Variants in KRT76 observed in about 807,000 individuals in gnomAD.
KRT76 encodes the protein keratin 76.
A neutral mutation model predicts 44.9 loss-of-function variants in KRT76; 47 were observed. The ratio of observed to expected loss-of-function variants is 1.05; its 90% CI spans 0.83 to 1.33. The LOEUF is 1.33. Ranked by LOEUF, KRT76 falls within the 40% of genes most tolerant of loss-of-function variation. The pLI is 0.00. For synonymous variants in KRT76, 331 were observed against 294.1 expected (o/e 1.13, Z -1.28); for missense variants, 860 against 775.8 (o/e 1.11, Z -1.29).
intron 3 of KRT76, 139 bp downstream of exon 3, chr12:52,773,443 T>C: frequency 3.5e-6 from 2 of 565,876 alleles, no homozygotes; most frequent in Middle Eastern, 9.5e-4. Context: ...AAACATTTCA[T>C]TTCCAAAAAT....
chr12:52,768,971 G>C lies in KRT76; in HGVS notation c.1659C>G (p.Gly553=), dbSNP rs778936647. 8.3e-7 allele frequency: 1 copy of C among 1,200,362 alleles called. No individual in the cohort carries two copies. Among genetic ancestry groups the C allele is most frequent in the South Asian group, 1.3e-5 (1 of 79,148 alleles). 74.4% of individuals were successfully genotyped at this position (1,200,362 alleles called of 1,614,324 possible). The change falls in exon 9 of 9, where the codon GGC becomes GGG. Residue 553 remains glycine (G), a synonymous_variant. Transcript: ENST00000332411. ...CCCCTCCATAGCCACTGCCGCTGCC[G>C]CCACTGACTCCATAGCCACTGCTGC... ...SSSSSGYGVS[G]GSGSGYGGVS... is the part of the protein sequence containing the mutation.
chr12:52,776,887 A>G lies in KRT76; in HGVS notation c.405T>C (p.Gly135=), dbSNP rs1273419820. The G allele has an allele frequency of 2.5e-6, 4 of 1,612,066 alleles. No individual in the cohort carries two copies. In the Admixed American group the frequency reaches 6.7e-5, roughly 27 times the overall value. ...CAGGACCACCAAAGCTGCCAGGCCCACCAAATACACCAGGACCACCAAAGC... is the reference window on the plus strand; with the variant it reads ...CAGGACCACCAAAGCTGCCAGGCCCGCCAAATACACCAGGACCACCAAAGC... The part of the protein sequence containing the change: ...AGGFGGPGVF[G]GPGSFGGPGG... The change falls in exon 1 of 9, where the codon GGT becomes GGC. Residue 135 remains glycine (G), a synonymous_variant. Coordinates refer to ENST00000332411, the MANE Select transcript of KRT76 (RefSeq NM_015848.4).
chr12:52,773,516 TG>T, intron 3 of KRT76, 65 bp downstream of exon 3: 1 of 1,160,778 alleles, frequency 8.6e-7, no homozygotes, highest in Non-Finnish European at 1.3e-6. Context: ...CAGCTGGCTG[TG>T]CACTCTCTCC....
In KRT76 at chr12:52,772,876, A is replaced by T. The variant is rs1419563751; in HGVS notation, c.879T>A (p.Asp293Glu). The T allele has an allele frequency of 6.8e-6, 11 of 1,613,210 alleles. No homozygotes were observed. In the East Asian group the frequency reaches 2.2e-4, roughly 33 times the overall value. The change falls in exon 4 of 9, where the codon GAT becomes GAA. Residue 293 changes from aspartate to glutamate, a missense_variant and splice_region_variant. Asp to Glu is a conservative substitution (Grantham distance 45, BLOSUM62 2). Transcript: ENST00000332411. ...CCTTGTTCATGAAAGCCGCATCCAC[A>T]TCCTGCAGAGGAGGTCAGAAACCCA... The part of the protein sequence containing the change: ...AENEFVGLKK[D>E]VDAAFMNKVE...
At position 52,768,944 on chromosome 12, in the gene KRT76, G is replaced by T; in HGVS notation, c.1686C>A (p.Val562=). Residue 562 remains valine (V), a synonymous_variant, in exon 9 of 9, where the codon GTC becomes GTA. Transcript: ENST00000332411. ...SGGSGSGYGG[V]SSGSTGGRGS... ...CCCTGCCCCCAGTGCTGCCACTGCT[G>T]ACCCCTCCATAGCCACTGCCGCTGC... 1.4e-6 allele frequency: 2 copies of T among 1,470,972 alleles called. No individual in the cohort carries two copies. Among genetic ancestry groups the T allele is most frequent in the Non-Finnish European group, 9.4e-7 (1 of 1,060,278 alleles). 91.1% of individuals were successfully genotyped at this position (1,470,972 alleles called of 1,614,324 possible). A position where few individuals can be genotyped will look rare whatever the true frequency, so the allele number is the denominator to read the frequency against.
chr12:52,770,972 G>T (rs750659271), intron 7 of KRT76, 27 bp downstream of exon 7: 41 of 1,613,274 alleles, frequency 2.5e-5, no homozygotes, highest in Non-Finnish European at 3.2e-5. Context: ...ACCATATCTG[G>T]AGAATGGTGA....
Position 52,768,547 on chromosome 12 carries a change from G to A in KRT76, c.*166C>T, listed in dbSNP as rs1043346488. The A allele has an allele frequency of 2.0e-5, 15 of 757,632 alleles. No homozygotes were observed. Among genetic ancestry groups the A allele is most frequent in the Non-Finnish European group, 2.8e-5 (13 of 466,492 alleles). The allele number at this position is 757,632 out of a possible 1,614,324, so 46.9% of individuals were successfully genotyped here. On this transcript the variant is annotated 3_prime_UTR_variant, in exon 9 of 9. Transcript: ENST00000332411. ...CCAGCAGCAGGACCTCCATGGCCCTGGGAAGGTCATGGGGATGGAGAAACC... is the reference window on the plus strand; with the variant it reads ...CCAGCAGCAGGACCTCCATGGCCCTAGGAAGGTCATGGGGATGGAGAAACC...
chr12:52,772,521 C>T (rs1939202429), intron 4 of KRT76, among the ~76,000 whole-genome samples: 1 of 152,208 alleles, frequency 6.6e-6, no homozygotes, highest in Non-Finnish European at 1.5e-5. Context: ...GGGCCCCCAG[C>T]AGGGAGGAGT....
At chr12:52,776,079 T>A (rs1459585440) in intron 1 of KRT76, among the ~76,000 whole-genome samples, 1 of 151,760 alleles carries the variant, frequency 6.6e-6, no homozygotes, top group Non-Finnish European at 1.5e-5. Context: ...GTCAATGAGG[T>A]CTAACATTTC....
rs1939270618 is a variant in KRT76, at chr12:52,776,920, T to TCCACCAAAGCCACCAGCC, written c.354_371dup (p.Ala125_Gly130dup). On this transcript the variant is annotated inframe_insertion, in exon 1 of 9. Transcript: ENST00000332411. ...CACCAGGACCACCAAAGCCACCAGC[T>TCCACCAAAGCCACCAGCC]CCACCAAAGCCACCAGCCCCTCCAA... The TCCACCAAAGCCACCAGCC allele has an allele frequency of 1.9e-6, 3 of 1,612,532 alleles. No individual in the cohort carries two copies. In the East Asian group the frequency reaches 6.7e-5, roughly 36 times the overall value.
rs143394911 is a variant in KRT76 at position 52,771,086 on chromosome 12, C to T, written c.1397G>A (p.Arg466His). ...KAKDDLARLL[R>H]DYQELMNVKL... ...GACGTTCATCAGCTCCTGGTAGTCA[C>T]GCAGGAGCCGAGCCAGGTCATCCTT... Residue 466 changes from arginine (R) to histidine (H), a missense_variant, in exon 7 of 9, where the codon CGT becomes CAT. Physicochemically the swap from Arg to His is conservative, Grantham distance 29. Coordinates refer to ENST00000332411, the MANE Select transcript of KRT76 (RefSeq NM_015848.4). 2.7e-4 allele frequency: 429 copies of T among 1,614,090 alleles called. 3 individuals are homozygous for T. In the South Asian group the frequency reaches 2.9e-3, roughly 11 times the overall value.
intron 8 of KRT76, 42 bp downstream of exon 8, chr12:52,769,507 T>G (rs1351323249): frequency 6.3e-7 from 1 of 1,584,712 alleles, no homozygotes; most frequent in Admixed American, 1.7e-5. Flanking sequence ...CTAGCTGCCC[T>G]TTTACAACCC....
In KRT76 at chr12:52,775,407, C is replaced by T. The variant is rs2121197457; in HGVS notation, c.796G>A (p.Val266Met). 2 of 1,614,188 alleles carry T rather than the reference C, an allele frequency of 1.2e-6. No individual in the cohort carries two copies. The highest frequency in any genetic ancestry group is 1.7e-6 in the Non-Finnish European group (2 of 1,180,018). ...CCTCACTTCTTTTTGAAGTCTTCCA[C>T]CAGGTCCTGCATGCTTTTCAGCTCT... The part of the protein sequence containing the change: ...EGELKSMQDL[V>M]EDFKKKYEDE... Residue 266 changes from valine (V) to methionine (M), a missense_variant, in exon 2 of 9, where the codon GTG becomes ATG. Val to Met is a conservative substitution (Grantham distance 21). Coordinates refer to ENST00000332411, the MANE Select transcript of KRT76 (RefSeq NM_015848.4).
rs533413293 is a variant in KRT76 at position 52,772,327 on chromosome 12, C to T, written c.973-69G>A. 5.9e-5 allele frequency: 86 copies of T among 1,446,876 alleles called. 1 individual carries two copies. The South Asian group carries it at 9.1e-4, about 15-fold the overall frequency. The allele number at this position is 1,446,876 out of a possible 1,614,324, so 89.6% of individuals were successfully genotyped here. ...GGGGATGCTGGGAATCCTCTACTAGCGGAGATATCCCAAGGATGGGGCTAG... is the reference window on the plus strand; with the variant it reads ...GGGGATGCTGGGAATCCTCTACTAGTGGAGATATCCCAAGGATGGGGCTAG... On this transcript the variant is annotated intron_variant, in intron 4 of 8. Transcript: ENST00000332411.
At chr12:52,775,737 G>T in intron 1 of KRT76, 135 bp from the exon 2 acceptor site, 1 of 682,930 alleles carries the variant, frequency 1.5e-6, no homozygotes, top group Non-Finnish European at 2.5e-6. Flanking sequence ...ATTTGGGAAG[G>T]ATGAAGATTT....
At position 52,772,159 on chromosome 12, in the gene KRT76, G is replaced by T. The variant is rs145617591; in HGVS notation, c.1072C>A (p.Arg358Ser). The T allele has an allele frequency of 5.0e-6, 8 of 1,613,726 alleles. No homozygotes were observed. The highest frequency in any genetic ancestry group is 5.9e-6 in the Non-Finnish European group (7 of 1,179,718). Residue 358 changes from arginine (R) to serine (S), a missense_variant, in exon 5 of 9, where the codon CGC (arginine) becomes AGC (serine). By Grantham distance (110) the Arg-to-Ser change is moderately radical. Transcript: ENST00000332411. ...TGGGCAATCTCCTCATACTGGGCGC[G>T]GACCTCGGCAATGATGCTGCCCAGG... Reference protein sequence around the residue: ...LDLGSIIAEVRAQYEEIAQRS... With the variant: ...LDLGSIIAEVSAQYEEIAQRS...
Position 52,773,565 on chromosome 12 carries a change from G to T in KRT76, c.876+17C>A. ...CCCAGAAAGGAAACCTGGATATGCT[G>T]GTCCAGGCTCACCTACCTTCTTGAG... On this transcript the variant is annotated intron_variant, in intron 3 of 8. Transcript: ENST00000332411. 6.2e-7 allele frequency: 1 copy of T among 1,603,860 alleles called. No individual in the cohort carries two copies.
Position 52,768,522 on chromosome 12 carries a change from C to A in KRT76, c.*191G>T. ...TTTCCAGGGGCATCATCATCCCAGA[C>A]CAGCAGCAGGACCTCCATGGCCCTG... On this transcript the variant is annotated 3_prime_UTR_variant, in exon 9 of 9. Transcript: ENST00000332411. 1.6e-6 allele frequency: 1 copy of A among 610,846 alleles called. No homozygotes were observed. The allele number at this position is 610,846 out of a possible 1,614,324, so 37.8% of individuals were successfully genotyped here.
At chr12:52,769,971 G>T (rs1349631762) in intron 7 of KRT76, among the ~76,000 whole-genome samples, 2 of 152,078 alleles carry the variant, frequency 1.3e-5, no homozygotes. Context: ...TTCCAAGAAG[G>T]CTTCCACAAT....
Sources: allele counts gnomAD v4.1 joint callset (sites outside exome capture counted in the v4.1 genomes callset), GRCh38; gene constraint gnomAD v4.1.1; transcripts MANE v1.5; gene names NCBI Gene and HGNC (gene_info 2026-07-23, HGNC 2026-07-21).